SCOC: variants seen among roughly 807,000 people sequenced by gnomAD.
SCOC encodes short coiled coil protein.
SCOC carries 7 observed loss-of-function variants against 9.9 expected under a neutral mutation model. The observed-to-expected ratio is 0.71, with a 90% CI of 0.40 to 1.33. SCOC has a LOEUF of 1.33. Among genes scored for constraint, SCOC ranks in the 40% most tolerant of loss-of-function variants. The pLI is 0.01. For synonymous variants in SCOC, 19 were observed against 28.2 expected (o/e 0.67, Z 1.03); for missense variants, 66 against 89.7 (o/e 0.74, Z 1.07).
At chr4:140,319,739 C>T (rs1431750228) in intron 1 of SCOC, among the ~76,000 whole-genome samples, 1 of 151,982 alleles carries the variant, frequency 6.6e-6, no homozygotes, top group Non-Finnish European at 1.5e-5. Flanking sequence ...AAAAGTACTT[C>T]TCCCATTCTA....
intron 1 of SCOC, among the ~76,000 whole-genome samples, chr4:140,337,168 T>C (rs1239863548): frequency 3.9e-5 from 6 of 152,170 alleles, no homozygotes; most frequent in Non-Finnish European, 8.8e-5. Context: ...TTTGCAAATA[T>C]TTTTTCCCAT....
chr4:140,270,688 G>A (rs1730823705), intron 1 of SCOC, among the ~76,000 whole-genome samples: 1 of 152,178 alleles, frequency 6.6e-6, no homozygotes, highest in Admixed American at 6.5e-5. Context: ...GAGAAAGGAG[G>A]TAATGGGTGG....
upstream of SCOC, among the ~76,000 whole-genome samples, chr4:140,340,782 A>ATTTTTTTTTTTTTT (rs1726483025): frequency 8.1e-5 from 4 of 49,676 alleles, no homozygotes; most frequent in Non-Finnish European, 1.2e-4. Context: ...ATGCTGCCTA[A>ATTTTTTTTTTTTTT]CTTTTTTTTT....
chr4:140,375,252 C>T (rs1168901903), intron 1 of SCOC, among the ~76,000 whole-genome samples: 1 of 152,088 alleles, frequency 6.6e-6, no homozygotes, highest in Non-Finnish European at 1.5e-5. Flanking sequence ...TTCTGTTGCC[C>T]AAATTAGAGC....
chr4:140,362,303 T>TCTTTTTCTTCTTCTTCTTCTTCTTCTTC lies in SCOC; in HGVS notation c.71-16818_71-16817insCTTTTTCTTCTTCTTCTTCTTCTTCTTC, dbSNP rs1253683051. Reference sequence around the variant, plus strand: ...CTTCTTCTTCTTCTTCTTCTTCTTTTTTTTTTTTTTTTGTGAGAGTCTCGC... The same window carrying TCTTTTTCTTCTTCTTCTTCTTCTTCTTC: ...CTTCTTCTTCTTCTTCTTCTTCTTTTCTTTTTCTTCTTCTTCTTCTTCTTCTTCTTTTTTTTTTTTGTGAGAGTCTCGC... On this transcript the variant is annotated intron_variant, in intron 2 of 4. Transcript: ENST00000338517. Among the ~76,000 whole-genome samples, 43 of 44,252 alleles carry TCTTTTTCTTCTTCTTCTTCTTCTTCTTC rather than the reference T, an allele frequency of 9.7e-4. 3 individuals carry two copies. Among genetic ancestry groups the TCTTTTTCTTCTTCTTCTTCTTCTTCTTC allele is most frequent in the African/African-American group, 2.1e-3 (30 of 14,592 alleles). 29.0% of individuals were successfully genotyped at this position (44,252 alleles called of 152,430 possible).
intron 1 of SCOC, among the ~76,000 whole-genome samples, chr4:140,313,862 T>C (rs1261114338): frequency 6.6e-6 from 1 of 152,076 alleles, no homozygotes. Flanking sequence ...GTGCGGTGGC[T>C]CATGCCTGTA....
chr4:140,348,008 A>G (rs941346726), intron 2 of SCOC, among the ~76,000 whole-genome samples: 1 of 152,276 alleles, frequency 6.6e-6, no homozygotes, highest in Admixed American at 6.5e-5. Flanking sequence ...CTTATTTACT[A>G]AATACAAATA....
Position 140,362,277 on chromosome 4 carries a change from A to ACTTCTTCTTCTTCTTCTTCTTCTTCTT in SCOC, c.71-16820_71-16819insCTTCTTCTTCTTCTTCTTCTTCTTCTT, listed in dbSNP as rs1305620519. Among the ~76,000 whole-genome samples, 43 of 11,642 alleles carry ACTTCTTCTTCTTCTTCTTCTTCTTCTT rather than the reference A, an allele frequency of 3.7e-3. 2 individuals carry two copies. The highest frequency in any genetic ancestry group is 7.3e-3 in the Non-Finnish European group (31 of 4,242). 7.6% of individuals were successfully genotyped at this position (11,642 alleles called of 152,430 possible). On this transcript the variant is annotated intron_variant, in intron 2 of 4. Coordinates refer to the SCOC transcript ENST00000338517. ...ACCGGCTAAAGACAGGTGTGTCCTT[A>ACTTCTTCTTCTTCTTCTTCTTCTTCTT]CTTCTTCTTCTTCTTCTTCTTCTTT...
At chr4:140,260,821 G>C (rs1446480146) in intron 1 of SCOC, among the ~76,000 whole-genome samples, 1 of 152,184 alleles carries the variant, frequency 6.6e-6, no homozygotes, top group Non-Finnish European at 1.5e-5. Context: ...CACTGTGAGA[G>C]AGAAAAGAAA....
chr4:140,368,758 T>A (rs4956385), upstream of SCOC, among the ~76,000 whole-genome samples: 2 of 152,190 alleles, frequency 1.3e-5, no homozygotes, highest in South Asian at 4.1e-4. Context: ...TCATCTTGTG[T>A]GCAGCAAATC....
At chr4:140,355,094 C>T (rs115448419) in intron 2 of SCOC, among the ~76,000 whole-genome samples, 1 of 151,694 alleles carries the variant, frequency 6.6e-6, no homozygotes, top group African/African-American at 2.4e-5. Flanking sequence ...GGCTGGGAAA[C>T]CAGACCCACC....
upstream of SCOC, among the ~76,000 whole-genome samples, chr4:140,339,537 T>C (rs1242998877): frequency 6.6e-6 from 1 of 152,186 alleles, no homozygotes; most frequent in East Asian, 1.9e-4. Context: ...GAGAACATTT[T>C]TGCAATCTAC....
chr4:140,374,335 A>T (rs950921271), intron 1 of SCOC: 2 of 365,204 alleles, frequency 5.5e-6, no homozygotes, highest in African/African-American at 4.3e-5. Flanking sequence ...TCTGTTATAC[A>T]GTGTGTCAAC....
At chr4:140,283,255 A>G (rs1454047593) in intron 1 of SCOC, among the ~76,000 whole-genome samples, 1 of 152,248 alleles carries the variant, frequency 6.6e-6, no homozygotes, top group Non-Finnish European at 1.5e-5. Flanking sequence ...ATTAGAGAGC[A>G]GACCAATAAA....
chr4:140,327,842 G>T (rs1158717905), intron 1 of SCOC, among the ~76,000 whole-genome samples: 1 of 152,118 alleles, frequency 6.6e-6, no homozygotes, highest in African/African-American at 2.4e-5. Flanking sequence ...TTTGGGGCTG[G>T]ACTAGGACTG....
At chr4:140,321,100 G>A (rs1462890381) in intron 1 of SCOC, among the ~76,000 whole-genome samples, 1 of 152,308 alleles carries the variant, frequency 6.6e-6, no homozygotes, top group East Asian at 1.9e-4. Context: ...CACTAGGGGA[G>A]TTTAAAGCTT....
intron 1 of SCOC, among the ~76,000 whole-genome samples, chr4:140,337,790 G>A (rs2321143): frequency 0.57 from 86,960 of 151,930 alleles, 26,882 homozygotes; most frequent in Non-Finnish European, 0.71. Context: ...AACAGGCTCT[G>A]AAATTGAGAC....
intron 2 of SCOC, among the ~76,000 whole-genome samples, chr4:140,363,884 A>G (rs146460820): frequency 6.2e-4 from 94 of 152,366 alleles, no homozygotes; most frequent in Non-Finnish European, 1.2e-3. Context: ...TGGCACCCAT[A>G]CAAAGTGCCA....
intron 1 of SCOC, among the ~76,000 whole-genome samples, chr4:140,330,360 T>C (rs970444835): frequency 2.0e-5 from 3 of 152,020 alleles, no homozygotes; most frequent in Non-Finnish European, 4.4e-5. Context: ...ATCTCAGAAA[T>C]CACCACTAAA....
Sources: allele counts gnomAD v4.1 joint callset (sites outside exome capture counted in the v4.1 genomes callset), GRCh38; gene constraint gnomAD v4.1.1; transcripts MANE v1.5; gene names NCBI Gene and HGNC (gene_info 2026-07-23, HGNC 2026-07-21).